COP1: variants seen among roughly 807,000 people sequenced by gnomAD.
COP1 encodes the protein E3 ubiquitin-protein ligase COP1.
COP1 carries 24 observed loss-of-function variants against 101.3 expected under a neutral mutation model. The observed-to-expected ratio is 0.24, with a 90% CI of 0.17 to 0.33. COP1 has a LOEUF of 0.33. Among genes scored for constraint, COP1 ranks in the 10% least tolerant of loss-of-function variants. The probability of loss-of-function intolerance (pLI) is 1.00; values close to 1 mark genes in which losing one functional copy is unlikely to be tolerated. For missense variants in COP1, 663 were observed against 906.2 expected (o/e 0.73, Z 3.45); for synonymous variants, 347 against 341.9 (o/e 1.01, Z -0.17).
chr1:176,204,339 ATTATCATTATTTGAACTTG>A (rs1700606446), intron 1 of COP1, among the ~76,000 whole-genome samples: 1 of 152,186 alleles, frequency 6.6e-6, no homozygotes, highest in Non-Finnish European at 1.5e-5. Context: ...TGAATAAGAA[ATTATCATTATTTGAACTTG>A]GGCTTCGTTT....
intron 15 of COP1, among the ~76,000 whole-genome samples, chr1:176,000,738 T>C (rs185015071): frequency 1.1e-4 from 16 of 152,206 alleles, no homozygotes; most frequent in African/African-American, 3.9e-4. Context: ...GCTTTTTTTT[T>C]TGTTATGTCA....
chr1:176,145,340 A>G (rs1558198378), intron 6 of COP1, among the ~76,000 whole-genome samples: 1 of 152,100 alleles, frequency 6.6e-6, no homozygotes, highest in East Asian at 1.9e-4. Flanking sequence ...AAAAAAATCT[A>G]CTGGTATCAC....
At chr1:176,054,207 T>A (rs572582362) in intron 11 of COP1, among the ~76,000 whole-genome samples, 51 of 150,854 alleles carry the variant, frequency 3.4e-4, no homozygotes, top group African/African-American at 1.2e-3. Flanking sequence ...TCACCCAGGC[T>A]GGGGTGCAGT....
At chr1:176,010,696 T>C (rs572886225) in intron 15 of COP1, among the ~76,000 whole-genome samples, 3 of 152,328 alleles carry the variant, frequency 2.0e-5, no homozygotes, top group Non-Finnish European at 4.4e-5. Context: ...AGGGAATCTG[T>C]CTCTCTTATT....
rs145923607 is a variant in COP1 at position 176,054,709 on chromosome 1, C to T, written c.1278-8385G>A. ...GTTTCCTAAATTTCCCTCCTCTCTC[C>T]TGTATCAATCAATTTTTCCATCTAT... On this transcript the variant is annotated intron_variant, in intron 11 of 19. Coordinates refer to ENST00000367669, the MANE Select transcript of COP1 (RefSeq NM_022457.7). Among the ~76,000 whole-genome samples, 895 of 152,248 alleles carry T rather than the reference C, an allele frequency of 5.9e-3. 12 individuals are homozygous for T. Among genetic ancestry groups the T allele is most frequent in the African/African-American group, 0.021 (858 of 41,536 alleles).
chr1:176,116,550 A>G (rs1199584483), intron 9 of COP1, 74 bp downstream of exon 9: 14 of 1,258,670 alleles, frequency 1.1e-5, no homozygotes, highest in Non-Finnish European at 1.6e-5. Context: ...ACATTTTAGT[A>G]AACTAATCTA....
intron 18 of COP1, among the ~76,000 whole-genome samples, chr1:175,977,222 T>C (rs1438185053): frequency 2.0e-5 from 3 of 152,230 alleles, no homozygotes; most frequent in African/African-American, 7.2e-5. Context: ...TTTAATTCTC[T>C]ACAATGTGTA....
At chr1:176,200,565 A>G (rs1399889572) in intron 1 of COP1, among the ~76,000 whole-genome samples, 1 of 152,248 alleles carries the variant, frequency 6.6e-6, no homozygotes, top group East Asian at 1.9e-4. Context: ...TGGTTACACC[A>G]GAAATACAAT....
chr1:176,186,182 G>A (rs1172239651), intron 1 of COP1, among the ~76,000 whole-genome samples: 1 of 152,014 alleles, frequency 6.6e-6, no homozygotes, highest in African/African-American at 2.4e-5. Context: ...CTATTTAATA[G>A]AAAACAATAC....
At chr1:176,000,700 A>T (rs908080468) in intron 15 of COP1, among the ~76,000 whole-genome samples, 1 of 151,828 alleles carries the variant, frequency 6.6e-6, no homozygotes, top group African/African-American at 2.4e-5. Flanking sequence ...CTCAACCTGT[A>T]TATGGTAGAA....
chr1:175,976,461 G>A (rs1010778774), intron 18 of COP1, among the ~76,000 whole-genome samples: 1 of 151,518 alleles, frequency 6.6e-6, no homozygotes, highest in African/African-American at 2.4e-5. Context: ...TATTTTTAGT[G>A]TAGACGGGGT....
chr1:176,165,168 T>C (rs749102821), intron 3 of COP1, among the ~76,000 whole-genome samples: 5 of 152,166 alleles, frequency 3.3e-5, no homozygotes, highest in Non-Finnish European at 7.3e-5. Context: ...GTACTTGTAA[T>C]ATAATGTGAT....
chr1:176,152,108 T>C (rs1397413735), intron 5 of COP1, among the ~76,000 whole-genome samples: 1 of 152,054 alleles, frequency 6.6e-6, no homozygotes, highest in Non-Finnish European at 1.5e-5. Flanking sequence ...CTGGGCAACA[T>C]GGCGACACCC....
At chr1:176,164,849 T>TA (rs564129839) in intron 3 of COP1, among the ~76,000 whole-genome samples, 15 of 152,176 alleles carry the variant, frequency 9.9e-5, no homozygotes, top group African/African-American at 3.4e-4. Context: ...ATTTTTTTTT[T>TA]AAAAAGGGAA....
At chr1:176,165,037 T>C (rs1404408955) in intron 3 of COP1, among the ~76,000 whole-genome samples, 1 of 152,130 alleles carries the variant, frequency 6.6e-6, no homozygotes, top group Admixed American at 6.5e-5. Context: ...TATATCACAA[T>C]GCAAGTATAA....
intron 1 of COP1, among the ~76,000 whole-genome samples, chr1:176,194,507 A>G (rs1699446399): frequency 6.6e-6 from 1 of 152,050 alleles, no homozygotes; most frequent in Non-Finnish European, 1.5e-5. Flanking sequence ...GCATGGTGGC[A>G]TGAGCCTATA....
chr1:175,969,797 T>C (rs1652887433), intron 18 of COP1, among the ~76,000 whole-genome samples: 1 of 152,092 alleles, frequency 6.6e-6, no homozygotes. Flanking sequence ...ACTAAACAAA[T>C]GAATGGTAGT....
At chr1:176,105,052 C>T (rs1351751023) in intron 9 of COP1, among the ~76,000 whole-genome samples, 1 of 152,026 alleles carries the variant, frequency 6.6e-6, no homozygotes, top group Non-Finnish European at 1.5e-5. Context: ...TAGAAAGCTA[C>T]CCTTTGTGAA....
intron 18 of COP1, among the ~76,000 whole-genome samples, chr1:175,971,992 A>T (rs1653331926): frequency 6.6e-6 from 1 of 152,172 alleles, no homozygotes; most frequent in African/African-American, 2.4e-5. Context: ...TGTTGGAAAC[A>T]CTTTGGCACT....
Sources: allele counts gnomAD v4.1 joint callset (sites outside exome capture counted in the v4.1 genomes callset), GRCh38; gene constraint gnomAD v4.1.1; transcripts MANE v1.5; gene names NCBI Gene and HGNC (gene_info 2026-07-23, HGNC 2026-07-21).